SDCCAG8: variants seen among roughly 807,000 people sequenced by gnomAD.
SDCCAG8 encodes serologically defined colon cancer antigen 8.
In SDCCAG8, 74 loss-of-function variants were observed where a neutral mutation model predicts 101.8. The observed-to-expected ratio is 0.73, with a 90% CI of 0.60 to 0.88. SDCCAG8 has a LOEUF of 0.88. SDCCAG8 is among the 40% of genes least tolerant of loss of function. The pLI, the probability that SDCCAG8 is intolerant of heterozygous loss-of-function variation, is 0.00. For synonymous variants in SDCCAG8, 281 were observed against 292.9 expected, an observed-to-expected ratio of 0.96 and a Z score of 0.41; for missense variants, 787 against 822.6, an observed-to-expected ratio of 0.96 and a Z score of 0.53.
rs145877279 is a variant in SDCCAG8, at chr1:243,271,036, G to T, written c.279G>T (p.Pro93=). ...QQADKESEVS[P]SRRRKMSPLR... The stretch of plus-strand genomic sequence containing the variant: ...CAGATAAGGAAAGTGAAGTATCTCC[G>T]TCAAGAAGAAGAAAAATGTCCCCCT... Residue 93 remains proline, a synonymous_variant, in exon 3 of 18, where the codon CCG becomes CCT. Transcript: ENST00000366541. 1 of 1,612,960 alleles carries T rather than the reference G, an allele frequency of 6.2e-7. No individual in the cohort carries two copies. Among genetic ancestry groups the T allele is most frequent in the East Asian group, 2.2e-5 (1 of 44,772 alleles).
intron 3 of SDCCAG8, among the ~76,000 whole-genome samples, chr1:243,272,333 TACGA>T (rs2068160267): frequency 1.3e-5 from 2 of 152,236 alleles, no homozygotes; most frequent in Non-Finnish European, 2.9e-5. Context: ...ATCACTCCCA[TACGA>T]ACACTCCATT....
chr1:243,359,682 A>G (rs1231042408), intron 12 of SDCCAG8, among the ~76,000 whole-genome samples: 1 of 152,154 alleles, frequency 6.6e-6, no homozygotes, highest in Non-Finnish European at 1.5e-5. Context: ...GTCTTAACTT[A>G]CCCTTCATTG....
At chr1:243,316,139 C>T (rs1184997219) in intron 8 of SDCCAG8, among the ~76,000 whole-genome samples, 4 of 152,110 alleles carry the variant, frequency 2.6e-5, no homozygotes, top group African/African-American at 4.8e-5. Flanking sequence ...AATGATCAAA[C>T]CCAGTGGGAT....
At chr1:243,426,651 A>G in intron 16 of SDCCAG8, 93 bp downstream of exon 16, 1 of 1,433,254 alleles carries the variant, frequency 7.0e-7, no homozygotes, top group Admixed American at 1.7e-5. Context: ...AGTAGAATTC[A>G]TCATCATTAT....
intron 12 of SDCCAG8, among the ~76,000 whole-genome samples, chr1:243,361,733 T>C (rs2076721130): frequency 6.6e-6 from 1 of 152,230 alleles, no homozygotes; most frequent in Non-Finnish European, 1.5e-5. Flanking sequence ...TTTCTTTCTT[T>C]TGGTTTCCAA....
At chr1:243,350,832 T>C (rs574933612) in intron 12 of SDCCAG8, among the ~76,000 whole-genome samples, 37 of 152,304 alleles carry the variant, frequency 2.4e-4, no homozygotes, top group African/African-American at 8.9e-4. Context: ...GTAGCAGCAA[T>C]ATGATTTACC....
intron 10 of SDCCAG8, among the ~76,000 whole-genome samples, chr1:243,333,788 T>A (rs2074799946): frequency 6.6e-6 from 1 of 152,198 alleles, no homozygotes; most frequent in Non-Finnish European, 1.5e-5. Context: ...TTTACATTAC[T>A]CTGAGTTTAA....
intron 9 of SDCCAG8, among the ~76,000 whole-genome samples, chr1:243,320,278 A>T (rs1275729879): frequency 1.3e-5 from 2 of 152,122 alleles, no homozygotes; most frequent in East Asian, 3.9e-4. Context: ...TTTATCTATT[A>T]CACTTCTTCC....
chr1:243,480,604 A>G (rs1483108533), intron 16 of SDCCAG8, among the ~76,000 whole-genome samples: 3 of 242 alleles, frequency 0.012, no homozygotes, highest in Admixed American at 0.059. Context: ...GATGGGTGGG[A>G]TGGATGGATG....
intron 5 of SDCCAG8, among the ~76,000 whole-genome samples, chr1:243,286,906 C>A (rs184519868): frequency 6.6e-6 from 1 of 152,166 alleles, no homozygotes; most frequent in African/African-American, 2.4e-5. Context: ...AGCTTAATCA[C>A]GTATGTCCTT....
At chr1:243,308,922 C>T (rs571995212) in intron 8 of SDCCAG8, among the ~76,000 whole-genome samples, 1 of 152,344 alleles carries the variant, frequency 6.6e-6, no homozygotes, top group East Asian at 1.9e-4. Context: ...CTCTCTCTAT[C>T]TGCTGTGCTC....
chr1:243,283,240 T>A (rs1369087361), intron 4 of SDCCAG8, among the ~76,000 whole-genome samples: 1 of 152,066 alleles, frequency 6.6e-6, no homozygotes, highest in African/African-American at 2.4e-5. Context: ...CAATATGATA[T>A]TCCTCAGTGT....
At chr1:243,302,303 C>A (rs1014989557) in intron 6 of SDCCAG8, among the ~76,000 whole-genome samples, 1 of 151,774 alleles carries the variant, frequency 6.6e-6, no homozygotes, top group African/African-American at 2.4e-5. Context: ...ATGATATCTG[C>A]CTGAATAGGT....
intron 7 of SDCCAG8, chr1:243,305,975 G>C (rs997536632): frequency 6.6e-6 from 1 of 151,400 alleles, no homozygotes; most frequent in Non-Finnish European, 1.5e-5. Flanking sequence ...TGTAGTCCCA[G>C]CTACTCAGGA....
intron 6 of SDCCAG8, among the ~76,000 whole-genome samples, chr1:243,296,799 C>T (rs2070968320): frequency 6.6e-6 from 1 of 151,878 alleles, no homozygotes; most frequent in African/African-American, 2.4e-5. Context: ...TCCCAAAGTG[C>T]TGGGATTACA....
chr1:243,355,220 T>C (rs1432817245), intron 12 of SDCCAG8, among the ~76,000 whole-genome samples: 2 of 152,234 alleles, frequency 1.3e-5, no homozygotes, highest in Non-Finnish European at 2.9e-5. Context: ...TGGCCTGCCT[T>C]CTGCCATCCC....
chr1:243,486,583 CCGGCCCCAT>C (rs1263065826), intron 16 of SDCCAG8, among the ~76,000 whole-genome samples: 4 of 152,262 alleles, frequency 2.6e-5, no homozygotes, highest in African/African-American at 9.6e-5. Context: ...TAGGCCAGAA[CCGGCCCCAT>C]CGCTGAAGGT....
At chr1:243,390,013 A>T (rs1334500173) in intron 13 of SDCCAG8, among the ~76,000 whole-genome samples, 1 of 152,236 alleles carries the variant, frequency 6.6e-6, no homozygotes, top group East Asian at 1.9e-4. Context: ...GGGAAAATTA[A>T]AACAAAAAGT....
intron 12 of SDCCAG8, among the ~76,000 whole-genome samples, chr1:243,376,595 T>C (rs12749183): frequency 6.6e-6 from 1 of 152,230 alleles, no homozygotes; most frequent in African/African-American, 2.4e-5. Flanking sequence ...TTAAAAAAGT[T>C]TTGAATTTTA....
Sources: gnomAD v4.1 joint callset for allele counts (sites outside exome capture counted in the v4.1 genomes callset) on GRCh38, gnomAD v4.1.1 for gene constraint, MANE v1.5 for transcripts, NCBI Gene and HGNC (gene_info 2026-07-23, HGNC 2026-07-21) for gene names.